ZNF536: variants seen among roughly 807,000 people sequenced by gnomAD.
The protein encoded by ZNF536 is zinc finger protein 536.
Under a neutral mutation model 84.5 loss-of-function variants are expected in ZNF536, and 13 were observed. That is an observed-to-expected ratio of 0.15 (90% confidence interval 0.10 to 0.24). ZNF536 has a LOEUF of 0.24. ZNF536 is among the 10% of genes least tolerant of loss of function. The pLI is 1.00. For synonymous variants in ZNF536, 811 were observed against 742.5 expected, an observed-to-expected ratio of 1.09 and a Z score of -1.50; for missense variants, 1,536 against 1,747.5, an observed-to-expected ratio of 0.88 and a Z score of 2.16.
At chr19:30,576,551 T>C (rs4423525) in intron 1 of ZNF536, among the ~76,000 whole-genome samples, 45,575 of 152,152 alleles carry the variant, frequency 0.3, 6,874 homozygotes, top group East Asian at 0.42. Context: ...GCAGATAGGC[T>C]GTGCTCTTCT....
intron 1 of ZNF536, among the ~76,000 whole-genome samples, chr19:30,439,956 TTTC>T (rs1463434123): frequency 1.2e-3 from 148 of 123,172 alleles, no homozygotes; most frequent in African/African-American, 4.3e-3. Flanking sequence ...TTTTTCTTTC[TTTC>T]TTTTTTTTTT....
At chr19:30,622,898 C>T (rs1396683756) in intron 1 of ZNF536, among the ~76,000 whole-genome samples, 1 of 152,010 alleles carries the variant, frequency 6.6e-6, no homozygotes, top group Non-Finnish European at 1.5e-5. Flanking sequence ...AGGCAGACAA[C>T]CTAGGAAGCC....
At chr19:30,502,901 T>C (rs1199137511) in intron 2 of ZNF536, among the ~76,000 whole-genome samples, 1 of 151,906 alleles carries the variant, frequency 6.6e-6, no homozygotes, top group Non-Finnish European at 1.5e-5. Context: ...AGGAGTTAAA[T>C]GCAAAACACA....
intron 2 of ZNF536, among the ~76,000 whole-genome samples, chr19:30,292,258 G>T (rs1437864642): frequency 6.6e-6 from 1 of 151,820 alleles, no homozygotes; most frequent in Non-Finnish European, 1.5e-5. Context: ...TCCAAATCTT[G>T]CACTCCTCAC....
intron 1 of ZNF536, among the ~76,000 whole-genome samples, chr19:30,267,586 G>A (rs527694906): frequency 9.9e-5 from 15 of 151,986 alleles, no homozygotes; most frequent in Non-Finnish European, 2.1e-4. Context: ...GGAAGGAGGG[G>A]CCAACTCCTT....
chr19:30,671,715 G>A (rs142023210), intron 1 of ZNF536, among the ~76,000 whole-genome samples: 1 of 152,260 alleles, frequency 6.6e-6, no homozygotes, highest in East Asian at 1.9e-4. Context: ...GCTATCTCAG[G>A]AAGCACTAGG....
intron 2 of ZNF536, among the ~76,000 whole-genome samples, chr19:30,321,154 C>T (rs2046842559): frequency 1.3e-5 from 2 of 152,188 alleles, no homozygotes; most frequent in Admixed American, 6.5e-5. Context: ...CTCTCTTCTG[C>T]AAATCCACCT....
At chr19:30,485,810 A>G in intron 2 of ZNF536, among the ~76,000 whole-genome samples, 1 of 152,172 alleles carries the variant, frequency 6.6e-6, no homozygotes, top group Non-Finnish European at 1.5e-5. Flanking sequence ...TAATTGTTCC[A>G]AATTAATGTC....
intron 1 of ZNF536, among the ~76,000 whole-genome samples, chr19:30,430,517 G>A (rs1370555067): frequency 6.6e-6 from 1 of 152,190 alleles, no homozygotes; most frequent in Non-Finnish European, 1.5e-5. Flanking sequence ...GAGATAGACG[G>A]AAGGGCTCTG....
chr19:30,324,025 C>T (rs943444172), intron 2 of ZNF536, among the ~76,000 whole-genome samples: 3 of 152,156 alleles, frequency 2.0e-5, no homozygotes, highest in African/African-American at 7.2e-5. Context: ...ATCCATCCAT[C>T]CACCCACCCA....
At chr19:30,603,504 A>G (rs923450678) in intron 1 of ZNF536, among the ~76,000 whole-genome samples, 2 of 152,206 alleles carry the variant, frequency 1.3e-5, no homozygotes, top group Non-Finnish European at 2.9e-5. Context: ...TTCTGTTTCA[A>G]ACTAGGTGAA....
chr19:30,404,936 G>T (rs1195771084), intron 1 of ZNF536, among the ~76,000 whole-genome samples: 1 of 152,212 alleles, frequency 6.6e-6, no homozygotes, highest in Non-Finnish European at 1.5e-5. Flanking sequence ...CCCTCTTTGG[G>T]TCCTATTAAT....
Position 30,454,709 on chromosome 19 carries a change from G to A in ZNF536, c.2170+8977G>A, listed in dbSNP as rs1038452699. On this transcript the variant is annotated intron_variant, in intron 2 of 4. Coordinates refer to ENST00000355537, the MANE Select transcript of ZNF536 (RefSeq NM_014717.3). Reference sequence around the variant, plus strand: ...GTCTCTGGCTGGGGCCAGACCCCTCGGAAATGTCCTTTTTAGTGACCTTCA... The same window carrying A: ...GTCTCTGGCTGGGGCCAGACCCCTCAGAAATGTCCTTTTTAGTGACCTTCA... 5.3e-5 allele frequency among the ~76,000 whole-genome samples: 8 copies of A among 152,162 alleles called. No individual in the cohort carries two copies. The East Asian group carries it at 1.2e-3, about 22-fold the overall frequency.
At chr19:30,415,756 G>A (rs2050704248) in intron 1 of ZNF536, among the ~76,000 whole-genome samples, 1 of 152,050 alleles carries the variant, frequency 6.6e-6, no homozygotes, top group Admixed American at 6.5e-5. Context: ...GACTACAGGT[G>A]CCCACCACCG....
chr19:30,568,845 G>T (rs1462378737), intron 1 of ZNF536, among the ~76,000 whole-genome samples: 2 of 152,182 alleles, frequency 1.3e-5, no homozygotes, highest in Non-Finnish European at 2.9e-5. Context: ...GCTCTGAAGG[G>T]GAAGGGATGG....
intron 3 of ZNF536, among the ~76,000 whole-genome samples, chr19:30,366,348 T>C (rs1234886282): frequency 2.0e-5 from 3 of 151,468 alleles, no homozygotes; most frequent in Non-Finnish European, 4.4e-5. Context: ...CTGTCTATTA[T>C]CTACCTATCA....
At chr19:30,227,366 G>A (rs1408463621), upstream of ZNF536, among the ~76,000 whole-genome samples, 3 of 152,186 alleles carry the variant, frequency 2.0e-5, no homozygotes, top group Non-Finnish European at 4.4e-5. Context: ...GAATGTTGGG[G>A]GGCGGGGAGC....
At chr19:30,533,046 T>C (rs531987565) in intron 2 of ZNF536, among the ~76,000 whole-genome samples, 1 of 152,260 alleles carries the variant, frequency 6.6e-6, no homozygotes, top group East Asian at 1.9e-4. Flanking sequence ...TAGGTAATTA[T>C]ACCCTTTGAA....
chr19:30,347,402 T>C (rs1405756486), intron 2 of ZNF536, among the ~76,000 whole-genome samples: 6 of 152,216 alleles, frequency 3.9e-5, no homozygotes, highest in Non-Finnish European at 5.9e-5. Flanking sequence ...GATATCTGCC[T>C]GGGACCAAGC....
Sources: gnomAD v4.1 joint callset for allele counts (sites outside exome capture counted in the v4.1 genomes callset) on GRCh38, gnomAD v4.1.1 for gene constraint, MANE v1.5 for transcripts, NCBI Gene and HGNC (gene_info 2026-07-23, HGNC 2026-07-21) for gene names.